Variants in TBC1D19 observed in about 807,000 individuals in gnomAD.
TBC1D19 encodes the protein TBC1 domain family, member 19.
A neutral mutation model predicts 89.0 loss-of-function variants in TBC1D19; 60 were observed. The observed-to-expected ratio is 0.67, with a 90% CI of 0.55 to 0.84. TBC1D19 has a LOEUF of 0.84. Among genes scored for constraint, TBC1D19 ranks in the 40% least tolerant of loss-of-function variants. The pLI is 0.00. For missense variants in TBC1D19, 500 were observed against 610.8 expected, an observed-to-expected ratio of 0.82 and a Z score of 1.91; for synonymous variants, 189 against 199.7, an observed-to-expected ratio of 0.95 and a Z score of 0.45.
chr4:26,734,773 A>G (rs890371728), intron 15 of TBC1D19, among the ~76,000 whole-genome samples: 1 of 152,096 alleles, frequency 6.6e-6, no homozygotes, highest in African/African-American at 2.4e-5. Context: ...AAGTTGTTTC[A>G]GGAGGGACAT....
chr4:26,674,528 A>T (rs1219605098), intron 11 of TBC1D19, among the ~76,000 whole-genome samples: 4 of 152,166 alleles, frequency 2.6e-5, no homozygotes, highest in African/African-American at 9.6e-5. Context: ...AAAAATTTTA[A>T]TGAATAGCAC....
chr4:26,602,435 CTTTTTTT>C (rs34004440), intron 1 of TBC1D19, among the ~76,000 whole-genome samples: 1 of 73,042 alleles, frequency 1.4e-5, no homozygotes, highest in African/African-American at 4.6e-5. Context: ...CTATTGTATT[CTTTTTTT>C]TTTTTTTTTT....
the TBC1D19 span, among the ~76,000 whole-genome samples, chr4:26,771,317 A>G: frequency 6.6e-6 from 1 of 152,198 alleles, no homozygotes; most frequent in Non-Finnish European, 1.5e-5. Context: ...CTACCATACA[A>G]TCCAGCAATC....
At chr4:26,648,972 T>G (rs1348805650) in intron 7 of TBC1D19, among the ~76,000 whole-genome samples, 1 of 152,076 alleles carries the variant, frequency 6.6e-6, no homozygotes, top group East Asian at 1.9e-4. Flanking sequence ...ATTTCCTTAA[T>G]TACAGTTTCT....
At chr4:26,686,007 T>C (rs1353749038) in intron 12 of TBC1D19, among the ~76,000 whole-genome samples, 1 of 152,232 alleles carries the variant, frequency 6.6e-6, no homozygotes, top group Non-Finnish European at 1.5e-5. Flanking sequence ...TAATGGCATC[T>C]AAGCTGTGCG....
At chr4:26,734,573 A>G (rs1165874823) in intron 15 of TBC1D19, among the ~76,000 whole-genome samples, 1 of 152,118 alleles carries the variant, frequency 6.6e-6, no homozygotes, top group Non-Finnish European at 1.5e-5. Flanking sequence ...CTTGTGTGTA[A>G]TTATTGCCAA....
At chr4:26,724,184 A>C (rs541827744) in intron 15 of TBC1D19, among the ~76,000 whole-genome samples, 1 of 152,360 alleles carries the variant, frequency 6.6e-6, no homozygotes, top group East Asian at 1.9e-4. Flanking sequence ...ATTGACTGAT[A>C]CAAGGTGAGT....
chr4:26,681,389 AC>A, intron 11 of TBC1D19, among the ~76,000 whole-genome samples: 1 of 151,356 alleles, frequency 6.6e-6, no homozygotes, highest in East Asian at 1.9e-4. Flanking sequence ...AATACAAAAA[AC>A]AAAAAAAAAA....
chr4:26,634,075 CA>C (rs111244858), intron 4 of TBC1D19, among the ~76,000 whole-genome samples: 7,626 of 127,782 alleles, frequency 0.06, 277 homozygotes, highest in African/African-American at 0.12. Context: ...GAGTATTTTG[CA>C]AAAAAAAAAA....
chr4:26,602,850 C>G (rs1356434735), intron 1 of TBC1D19, among the ~76,000 whole-genome samples: 1 of 151,648 alleles, frequency 6.6e-6, no homozygotes, highest in Non-Finnish European at 1.5e-5. Context: ...TGTATTACAT[C>G]TCATCCCTTG....
intron 7 of TBC1D19, among the ~76,000 whole-genome samples, chr4:26,650,946 T>G (rs1329883018): frequency 6.6e-6 from 1 of 152,224 alleles, no homozygotes; most frequent in African/African-American, 2.4e-5. Context: ...TTAGCCAGTT[T>G]TCCCAGCACC....
At chr4:26,704,314 G>A (rs773670543) in intron 13 of TBC1D19, among the ~76,000 whole-genome samples, 8 of 152,062 alleles carry the variant, frequency 5.3e-5, no homozygotes, top group Admixed American at 1.3e-4. Context: ...CACAAACTAC[G>A]TAAGTTAACA....
At chr4:26,709,648 C>A (rs11721891) in intron 13 of TBC1D19, among the ~76,000 whole-genome samples, 2 of 151,666 alleles carry the variant, frequency 1.3e-5, no homozygotes, top group Non-Finnish European at 2.9e-5. Flanking sequence ...TGCATATATG[C>A]GGCTATGCTA....
chr4:26,802,668 A>G, the TBC1D19 span, among the ~76,000 whole-genome samples: 3 of 152,234 alleles, frequency 2.0e-5, no homozygotes, highest in African/African-American at 7.2e-5. Context: ...AGATACAGAA[A>G]AAAATATATG....
chr4:26,851,311 A>ATCTATCTATCTATATGTCTG, the TBC1D19 span, among the ~76,000 whole-genome samples: 1 of 114,790 alleles, frequency 8.7e-6, no homozygotes, highest in South Asian at 2.9e-4. Flanking sequence ...TACCCTATCT[A>ATCTATCTATCTATATGTCTG]TCTATCTATC....
intron 13 of TBC1D19, among the ~76,000 whole-genome samples, chr4:26,702,935 T>A (rs549680413): frequency 6.6e-6 from 1 of 152,230 alleles, no homozygotes; most frequent in Non-Finnish European, 1.5e-5. Context: ...AGATACCTCA[T>A]GTAGTAGAAT....
chr4:26,642,206 G>C (rs1277116279), intron 7 of TBC1D19, among the ~76,000 whole-genome samples: 2 of 152,204 alleles, frequency 1.3e-5, no homozygotes, highest in Non-Finnish European at 2.9e-5. Context: ...ACAAAGGGAA[G>C]CCCATCAGAC....
chr4:26,827,647 C>G, the TBC1D19 span, among the ~76,000 whole-genome samples: 3,194 of 152,064 alleles, frequency 0.021, 75 homozygotes, highest in African/African-American at 0.054. Context: ...CTACTCAGCC[C>G]TAACTTCAAG....
chr4:26,775,187 T>A, the TBC1D19 span, among the ~76,000 whole-genome samples: 2 of 152,190 alleles, frequency 1.3e-5, no homozygotes, highest in African/African-American at 4.8e-5. Context: ...TGCAGTGGCT[T>A]ACACCTGTAA....
Sources: gnomAD v4.1 joint callset for allele counts (sites outside exome capture counted in the v4.1 genomes callset) on GRCh38, gnomAD v4.1.1 for gene constraint, MANE v1.5 for transcripts, NCBI Gene and HGNC (gene_info 2026-07-23, HGNC 2026-07-21) for gene names.